Variants in ZFYVE26 observed in about 807,000 individuals in gnomAD.
ZFYVE26 encodes zinc finger FYVE-type containing 26.
A neutral mutation model predicts 276.5 loss-of-function variants in ZFYVE26; 181 were observed. The observed-to-expected ratio is 0.65, with a 90% CI of 0.58 to 0.74. The LOEUF is 0.74. Ranked by LOEUF, ZFYVE26 falls within the 30% of genes least tolerant of loss-of-function variation. ZFYVE26 has a pLI of 0.00. For missense variants in ZFYVE26, 2,821 were observed against 3,097.9 expected (o/e 0.91, Z 2.12); for synonymous variants, 1,129 against 1,203.1 (o/e 0.94, Z 1.27).
intron 35 of ZFYVE26, among the ~76,000 whole-genome samples, chr14:67,759,146 G>A (rs2038864774): frequency 1.3e-5 from 2 of 150,454 alleles, no homozygotes; most frequent in Admixed American, 6.6e-5. Flanking sequence ...TTGGGAGGCT[G>A]AGGCAGGAGA....
chr14:67,741,053 GTATT>G (rs1231632867), intron 13 of ZFYVE26, among the ~76,000 whole-genome samples: 10 of 152,184 alleles, frequency 6.6e-5, no homozygotes, highest in Admixed American at 6.5e-4. Context: ...TTTAATGCAA[GTATT>G]TATTATACTC....
intron 10 of ZFYVE26, chr14:67,799,427 G>A (rs992436160): frequency 5.9e-5 from 95 of 1,612,506 alleles, no homozygotes; most frequent in Non-Finnish European, 7.5e-5. Context: ...CAAAGAAGCA[G>A]AAACGAGCAG....
At chr14:67,745,440 C>T (rs554567049), downstream of ZFYVE26, among the ~76,000 whole-genome samples, 2 of 151,740 alleles carry the variant, frequency 1.3e-5, no homozygotes, top group South Asian at 2.1e-4. Flanking sequence ...TCTCTAGTAA[C>T]GAACTATAGA....
Position 67,792,913 on chromosome 14 carries a change from CAA to C in ZFYVE26, c.2553+693_2553+694del, listed in dbSNP as rs34041446. On this transcript the variant is annotated intron_variant, in intron 14 of 41. Transcript: ENST00000347230. ...CTGGGTGACAAAAGCAAATCTGTCT[CAA>C]AAAAAAAAAAAAAAAAAAAGAAAAG... 1.9e-4 allele frequency among the ~76,000 whole-genome samples: 11 copies of C among 56,810 alleles called. No individual in the cohort carries two copies. The East Asian group carries it at 2.3e-3, about 12-fold the overall frequency. The allele number at this position is 56,810 out of a possible 152,430, so 37.3% of individuals were successfully genotyped here. A position where few individuals can be genotyped will look rare whatever the true frequency, so the allele number is the denominator to read the frequency against.
intron 25 of ZFYVE26, among the ~76,000 whole-genome samples, chr14:67,777,332 A>G (rs2039370661): frequency 6.6e-6 from 1 of 152,222 alleles, no homozygotes; most frequent in Non-Finnish European, 1.5e-5. Context: ...GAAGAGAATG[A>G]CAAGTCCTAG....
Position 67,802,073 on chromosome 14 carries a change from C to T in ZFYVE26, c.1639+6G>A. The stretch of plus-strand genomic sequence containing the variant: ...CTTATCTCACGGATGGAGGGAAGTG[C>T]TGTACCTGGGGAGGAGAGAGAGTCA... On this transcript the variant is annotated splice_donor_region_variant and intron_variant, in intron 10 of 41. Transcript: ENST00000347230. The T allele has an allele frequency of 6.2e-7, 1 of 1,612,576 alleles. No individual in the cohort carries two copies. The highest frequency in any genetic ancestry group is 1.1e-5 in the South Asian group (1 of 91,004).
At position 67,789,384 on chromosome 14, in the gene ZFYVE26, C is replaced by T. The variant is rs1277177199; in HGVS notation, c.2970G>A (p.Gln990=). The T allele has an allele frequency of 1.9e-5, 31 of 1,614,102 alleles. No homozygotes were observed. The highest frequency in any genetic ancestry group is 2.5e-5 in the Non-Finnish European group (29 of 1,180,052). ...AACGCCGTTCGGCTGTCTCCAAAAG[C>T]TGCTTGCAGGTTTTCCAGAGCTGGC... ...SQCQLWKTCK[Q]LLETAERRLN... Residue 990 remains glutamine (Q), a synonymous_variant, in exon 16 of 42, where the codon CAG becomes CAA. Transcript: ENST00000347230.
At chr14:67,797,502 T>A in intron 12 of ZFYVE26, 170 bp downstream of exon 12, 1 of 727,202 alleles carries the variant, frequency 1.4e-6, no homozygotes, top group South Asian at 1.5e-5. Flanking sequence ...ATGGAAAATT[T>A]CTGAAAGGAT....
At chr14:67,805,399 C>G (rs929217839) in intron 7 of ZFYVE26, 55 bp downstream of exon 7, 2 of 1,613,676 alleles carry the variant, frequency 1.2e-6, no homozygotes, top group Non-Finnish European at 1.7e-6. Context: ...AGCCTAAGCC[C>G]GAAGCCCCAC....
downstream of ZFYVE26, among the ~76,000 whole-genome samples, chr14:67,744,675 GTTC>G (rs975105673): frequency 2.6e-4 from 40 of 152,222 alleles, no homozygotes; most frequent in Admixed American, 1.8e-3. Context: ...TTCGTTTTCT[GTTC>G]TTGTGTTAGT....
downstream of ZFYVE26, among the ~76,000 whole-genome samples, chr14:67,744,257 A>C (rs1411678011): frequency 6.6e-6 from 1 of 152,158 alleles, no homozygotes; most frequent in African/African-American, 2.4e-5. Flanking sequence ...TAAATATAGC[A>C]GTCATCTATC....
intron 35 of ZFYVE26, among the ~76,000 whole-genome samples, chr14:67,760,593 G>A (rs2038904312): frequency 6.6e-6 from 1 of 152,176 alleles, no homozygotes; most frequent in African/African-American, 2.4e-5. Context: ...GCTGGGTGCA[G>A]TGCATGTGCC....
intron 27 of ZFYVE26, among the ~76,000 whole-genome samples, chr14:67,773,553 G>GCACACA (rs150277930): frequency 7.3e-6 from 1 of 136,966 alleles, no homozygotes; most frequent in Non-Finnish European, 1.5e-5. Context: ...AAAAAAAGGC[G>GCACACA]CACACACACA....
Position 67,807,471 on chromosome 14 carries a change from C to A in ZFYVE26, c.813G>T (p.Leu271=), listed in dbSNP as rs200977120. The A allele has an allele frequency of 1.2e-5, 20 of 1,614,158 alleles. No individual in the cohort carries two copies. The African/African-American group carries it at 2.5e-4, about 20-fold the overall frequency. ...CATAGGTATGGCCATACAGGGACAG[C>A]AGGCCCCGGCTGGCCTTGTGCAGCA... ...SCLLHKASRG[L]LSLYGHTYAE... The change falls in exon 5 of 42, where the codon CTG becomes CTT. Residue 271 remains leucine (L), a synonymous_variant. Transcript: ENST00000347230.
At chr14:67,751,198 A>G (rs1387292191) in intron 40 of ZFYVE26, 102 bp from the exon 41 acceptor site, 3 of 1,364,636 alleles carry the variant, frequency 2.2e-6, no homozygotes, top group South Asian at 2.3e-5. Context: ...CTTCAGAATG[A>G]AAATGTCTGC....
intron 35 of ZFYVE26, among the ~76,000 whole-genome samples, chr14:67,760,631 G>A (rs953195661): frequency 6.6e-6 from 1 of 152,210 alleles, no homozygotes; most frequent in African/African-American, 2.4e-5. Context: ...AGTAGGATGA[G>A]GTTGGAGGAT....
chr14:67,797,821 A>G (rs2039988090), intron 11 of ZFYVE26, 66 bp from the exon 12 acceptor site: 3 of 1,602,012 alleles, frequency 1.9e-6, no homozygotes, highest in Non-Finnish European at 1.7e-6. Context: ...CTTTCTTGGC[A>G]TAACAGGTTG....
chr14:67,770,871 A>G (rs1168124460), intron 28 of ZFYVE26, among the ~76,000 whole-genome samples: 1 of 152,210 alleles, frequency 6.6e-6, no homozygotes, highest in Non-Finnish European at 1.5e-5. Context: ...GTGGCTTGTC[A>G]TATGTCTCAA....
chr14:67,743,871 C>T (rs994058414), downstream of ZFYVE26, among the ~76,000 whole-genome samples: 3 of 152,010 alleles, frequency 2.0e-5, no homozygotes, highest in African/African-American at 4.8e-5. Flanking sequence ...AGATGGCACT[C>T]GATGCAGGAC....
Sources: gnomAD v4.1 joint callset for allele counts (sites outside exome capture counted in the v4.1 genomes callset) on GRCh38, gnomAD v4.1.1 for gene constraint, MANE v1.5 for transcripts, NCBI Gene and HGNC (gene_info 2026-07-23, HGNC 2026-07-21) for gene names.